SIGLEC9: variants seen among roughly 807,000 people sequenced by gnomAD.
SIGLEC9 encodes the protein sialic acid-binding Ig-like lectin 9.
A neutral mutation model predicts 38.3 loss-of-function variants in SIGLEC9; 26 were observed. The ratio of observed to expected loss-of-function variants is 0.68; its 90% CI spans 0.50 to 0.94. SIGLEC9 has a LOEUF of 0.94. Ranked by LOEUF, SIGLEC9 falls within the 40% of genes least tolerant of loss-of-function variation. The pLI is 0.00. For synonymous variants in SIGLEC9, 236 were observed against 248.0 expected (o/e 0.95, Z 0.45); for missense variants, 556 against 585.7 (o/e 0.95, Z 0.52).
intron 1 of SIGLEC9, 59 bp from the exon 2 acceptor site, chr19:51,125,538 C>T: frequency 6.3e-7 from 1 of 1,584,936 alleles, no homozygotes. Context: ...GCCTGAGCTC[C>T]CCCCAGGGCT....
At chr19:51,132,009 G>A (rs909002361), downstream of SIGLEC9, among the ~76,000 whole-genome samples, 8 of 152,160 alleles carry the variant, frequency 5.3e-5, no homozygotes, top group Non-Finnish European at 1.0e-4. Context: ...CAGTGTTGGC[G>A]GTGGGGCCAA....
At chr19:51,134,364 G>A (rs1045796455), downstream of SIGLEC9, among the ~76,000 whole-genome samples, 1 of 151,740 alleles carries the variant, frequency 6.6e-6, no homozygotes, top group Non-Finnish European at 1.5e-5. Context: ...CCACCATGTT[G>A]GCCAGGATGG....
downstream of SIGLEC9, among the ~76,000 whole-genome samples, chr19:51,133,755 T>C (rs1199436867): frequency 2.0e-5 from 3 of 152,138 alleles, no homozygotes; most frequent in Non-Finnish European, 2.9e-5. Flanking sequence ...TGCTGTTTGA[T>C]ATGGTAACCA....
downstream of SIGLEC9, among the ~76,000 whole-genome samples, chr19:51,131,255 G>T (rs377055351): frequency 4.6e-5 from 7 of 152,094 alleles, no homozygotes; most frequent in African/African-American, 1.7e-4. Context: ...GCCCATTTAC[G>T]GCAGCATCAA....
At chr19:51,127,396 C>G (rs1427502494) in intron 4 of SIGLEC9, 100 bp downstream of exon 4, 2 of 1,301,952 alleles carry the variant, frequency 1.5e-6, no homozygotes, top group African/African-American at 2.9e-5. Context: ...GAGCTCCGCT[C>G]TGGTCTGTGC....
rs144549146 is a variant in SIGLEC9, at chr19:51,125,138, C to T, written c.164C>T (p.Pro55Leu). 88 of 1,614,054 alleles carry T rather than the reference C, an allele frequency of 5.5e-5. No homozygotes were observed. In the African/African-American group the frequency reaches 1.0e-3, roughly 18 times the overall value. Residue 55 changes from proline to leucine, a missense_variant, in exon 1 of 7, where the codon CCA (proline) becomes CTA (leucine). Physicochemically the swap from Pro to Leu is moderately conservative, Grantham distance 98. Transcript: ENST00000250360. ...TCGCATGGCTGGATTTACCCTGGCC[C>T]AGTAGTTCATGGCTACTGGTTCCGG... is the stretch of plus-strand genomic sequence containing the variant. ...YPSHGWIYPG[P>L]VVHGYWFREG... is the part of the protein sequence containing the mutation.
At chr19:51,131,442 C>T (rs1267685976), downstream of SIGLEC9, among the ~76,000 whole-genome samples, 6 of 151,752 alleles carry the variant, frequency 4.0e-5, no homozygotes, top group Non-Finnish European at 8.8e-5. Flanking sequence ...AAAAATTAGC[C>T]GGGCGTGGTG....
intron 5 of SIGLEC9, 98 bp downstream of exon 5, chr19:51,128,137 G>C (rs778257657): frequency 3.8e-4 from 378 of 1,007,834 alleles, no homozygotes; most frequent in Non-Finnish European, 5.4e-4. Flanking sequence ...ACCTGGATGG[G>C]TCAAGAGCTT....
At chr19:51,130,380 C>A, downstream of SIGLEC9, 1 of 263,600 alleles carries the variant, frequency 3.8e-6, no homozygotes. Flanking sequence ...GTTGTGGTCA[C>A]CATTCCAGGA....
At position 51,129,735 on chromosome 19, in the gene SIGLEC9, G is replaced by A. The variant is rs200341722; in HGVS notation, c.1204-156G>A. On this transcript the variant is annotated intron_variant, in intron 6 of 6. Coordinates refer to ENST00000250360, the MANE Select transcript of SIGLEC9 (RefSeq NM_014441.3). ...TGGCTAATTTTGTATTTTTAGTAGA[G>A]ACAGGGTTTCACCATGTTGGCCAGG... 4.6e-4 allele frequency among the ~76,000 whole-genome samples: 70 copies of A among 152,154 alleles called. No homozygotes were observed. In the East Asian group the frequency reaches 0.012, roughly 26 times the overall value.
At chr19:51,131,607 A>AAATC (rs2092015619), downstream of SIGLEC9, among the ~76,000 whole-genome samples, 1 of 150,198 alleles carries the variant, frequency 6.7e-6, no homozygotes, top group African/African-American at 2.5e-5. Flanking sequence ...ATAAATAAAT[A>AAATC]AATAAATAAG....
chr19:51,129,955 G>A lies in SIGLEC9; in HGVS notation c.1268G>A (p.Arg423His), dbSNP rs113526831. 947 of 1,613,672 alleles carry A rather than the reference G, an allele frequency of 5.9e-4. No homozygotes were observed. The highest frequency in any genetic ancestry group is 7.7e-4 in the Non-Finnish European group (907 of 1,179,824). The change falls in exon 7 of 7, where the codon CGC becomes CAC. Residue 423 changes from arginine to histidine, a missense_variant. By Grantham distance (29) the Arg-to-His change is conservative. Transcript: ENST00000250360. ...PPDQPPPASA[R>H]SSVGEGELQY... ...GACCAGCCTCCCCCAGCTTCTGCCCGCTCCTCAGTGGGGGAAGGAGAGCTC... is the reference window on the plus strand; with the variant it reads ...GACCAGCCTCCCCCAGCTTCTGCCCACTCCTCAGTGGGGGAAGGAGAGCTC...
chr19:51,132,008 C>T (rs573404065), downstream of SIGLEC9, among the ~76,000 whole-genome samples: 24 of 152,032 alleles, frequency 1.6e-4, no homozygotes, highest in South Asian at 4.1e-4. Context: ...CCAGTGTTGG[C>T]GGTGGGGCCA....
At chr19:51,131,592 A>G (rs549235518), downstream of SIGLEC9, among the ~76,000 whole-genome samples, 4 of 143,708 alleles carry the variant, frequency 2.8e-5, no homozygotes, top group African/African-American at 1.2e-4. Context: ...TCTCAAAAAA[A>G]ATAAATAAAT....
rs373690399 is a variant in SIGLEC9 at position 51,125,046 on chromosome 19, G to A, written c.72G>A (p.Thr24=). 25 of 1,613,940 alleles carry A rather than the reference G, an allele frequency of 1.5e-5. No homozygotes were observed. The African/African-American group carries it at 1.6e-4, about 10-fold the overall frequency. The change falls in exon 1 of 7, where the codon ACG becomes ACA. Residue 24 remains threonine (T), a synonymous_variant. Coordinates refer to ENST00000250360, the MANE Select transcript of SIGLEC9 (RefSeq NM_014441.3). ...RAEGQTSKLL[T]MQSSVTVQEG... is the part of the protein sequence containing the mutation. ...AAGGACAGACAAGTAAACTGCTGAC[G>A]ATGCAGAGTTCCGTGACGGTGCAGG...
At chr19:51,123,362 G>A (rs924295981), upstream of SIGLEC9, among the ~76,000 whole-genome samples, 2 of 152,226 alleles carry the variant, frequency 1.3e-5, no homozygotes, top group Non-Finnish European at 2.9e-5. Flanking sequence ...GGCCCCAGGG[G>A]AGCAGTGCTG....
intron 4 of SIGLEC9, among the ~76,000 whole-genome samples, 191 bp from the exon 5 acceptor site, chr19:51,127,758 G>A (rs767567680): frequency 3.9e-5 from 6 of 151,990 alleles, no homozygotes; most frequent in African/African-American, 1.5e-4. Context: ...AACCCCAAAA[G>A]GAATGGCTGG....
chr19:51,125,936 G>A (rs2091976421), intron 2 of SIGLEC9, 61 bp downstream of exon 2: 5 of 1,605,004 alleles, frequency 3.1e-6, no homozygotes, highest in African/African-American at 1.3e-5. Flanking sequence ...CTGGACACTG[G>A]GTGCTGGGTC....
At chr19:51,131,138 G>A (rs138684903), downstream of SIGLEC9, among the ~76,000 whole-genome samples, 23 of 152,226 alleles carry the variant, frequency 1.5e-4, 1 homozygote, top group East Asian at 5.8e-4. Context: ...TGCAGCACCC[G>A]AACGAGGAAA....
Sources: allele counts gnomAD v4.1 joint callset (sites outside exome capture counted in the v4.1 genomes callset), GRCh38; gene constraint gnomAD v4.1.1; transcripts MANE v1.5; gene names NCBI Gene and HGNC (gene_info 2026-07-23, HGNC 2026-07-21).